The following ARHGAP10 variants were observed in gnomAD, a reference collection of about 807,000 sequenced individuals.
ARHGAP10 encodes the protein Rho GTPase activating protein 10.
In ARHGAP10, 87 loss-of-function variants were observed where a neutral mutation model predicts 108.6. The ratio of observed to expected loss-of-function variants is 0.80; its 90% CI spans 0.67 to 0.96. ARHGAP10 has a LOEUF of 0.96. Ranked by LOEUF, ARHGAP10 falls within the 40% of genes least tolerant of loss-of-function variation. ARHGAP10 has a pLI of 0.00. For synonymous variants in ARHGAP10, 347 were observed against 341.1 expected (o/e 1.02, Z -0.19); for missense variants, 939 against 954.5 (o/e 0.98, Z 0.21).
In ARHGAP10 at chr4:147,878,774, C is replaced by CTTTT. The variant is rs11384854; in HGVS notation, c.833-441_833-438dup. On this transcript the variant is annotated intron_variant, in intron 8 of 22. Coordinates refer to ENST00000336498, the MANE Select transcript of ARHGAP10 (RefSeq NM_024605.4). ...AGTATCTCTTATTTTCCTTCTTCCT[C>CTTTT]TTTTTTTTTTTTTTTTTTTTGAGTC... 6.6e-4 allele frequency among the ~76,000 whole-genome samples: 83 copies of CTTTT among 124,864 alleles called. 1 individual carries two copies. The highest frequency in any genetic ancestry group is 2.0e-3 in the African/African-American group (63 of 31,342). The allele number at this position is 124,864 out of a possible 152,430, so 81.9% of individuals were successfully genotyped here. A position where few individuals can be genotyped will look rare whatever the true frequency, so the allele number is the denominator to read the frequency against.
intron 22 of ARHGAP10, among the ~76,000 whole-genome samples, chr4:148,065,894 C>T (rs1205599079): frequency 6.7e-6 from 1 of 149,512 alleles, no homozygotes; most frequent in East Asian, 2.0e-4. Context: ...ACCTGTTGTG[C>T]CAGCTACTGC....
chr4:147,995,714 ATC>A (rs1399455642), intron 18 of ARHGAP10, among the ~76,000 whole-genome samples: 1 of 152,058 alleles, frequency 6.6e-6, no homozygotes, highest in Non-Finnish European at 1.5e-5. Flanking sequence ...TGCATGGTCC[ATC>A]TCTCTCTCTT....
At chr4:147,784,808 TATA>T (rs1387472636) in intron 1 of ARHGAP10, among the ~76,000 whole-genome samples, 1 of 26,926 alleles carries the variant, frequency 3.7e-5, no homozygotes, top group African/African-American at 5.9e-5. Flanking sequence ...ATAAATATAA[TATA>T]TTATAAAATA....
chr4:148,066,569 T>C (rs1257565606), intron 22 of ARHGAP10, among the ~76,000 whole-genome samples: 1 of 152,220 alleles, frequency 6.6e-6, no homozygotes, highest in Non-Finnish European at 1.5e-5. Flanking sequence ...TACACATACA[T>C]AGTCACACAT....
intron 12 of ARHGAP10, among the ~76,000 whole-genome samples, chr4:147,910,016 C>CTT (rs371707136): frequency 4.0e-5 from 6 of 150,874 alleles, no homozygotes; most frequent in African/African-American, 1.2e-4. Flanking sequence ...CTTTTCTTTT[C>CTT]TTTTTTTTTG....
intron 10 of ARHGAP10, among the ~76,000 whole-genome samples, chr4:147,899,178 C>T (rs1370751106): frequency 2.6e-5 from 4 of 152,126 alleles, no homozygotes; most frequent in Non-Finnish European, 5.9e-5. Flanking sequence ...GTGTCTAGGT[C>T]TCCTAGGAAT....
intron 13 of ARHGAP10, among the ~76,000 whole-genome samples, chr4:147,933,288 G>T (rs1306098322): frequency 6.6e-6 from 1 of 152,116 alleles, no homozygotes; most frequent in African/African-American, 2.4e-5. Flanking sequence ...CTATTCACAG[G>T]TGCAGTCATA....
At chr4:147,784,719 A>AATATATTATAAAAT (rs1730765111) in intron 1 of ARHGAP10, among the ~76,000 whole-genome samples, 1 of 46,540 alleles carries the variant, frequency 2.1e-5, no homozygotes, top group African/African-American at 6.3e-5. Flanking sequence ...TTATAAATAT[A>AATATATTATAAAAT]ATATATTATA....
intron 13 of ARHGAP10, among the ~76,000 whole-genome samples, chr4:147,939,120 C>T (rs138416532): frequency 1.8e-3 from 270 of 152,234 alleles, no homozygotes; most frequent in African/African-American, 5.8e-3. Flanking sequence ...AATGTCTTTT[C>T]GTCATTGATT....
At chr4:147,793,809 C>T (rs1395146625) in intron 1 of ARHGAP10, among the ~76,000 whole-genome samples, 1 of 152,154 alleles carries the variant, frequency 6.6e-6, no homozygotes, top group Admixed American at 6.5e-5. Flanking sequence ...GCTTCTTGAC[C>T]TTTGTACATT....
intron 3 of ARHGAP10, among the ~76,000 whole-genome samples, chr4:147,826,162 A>G (rs1732701304): frequency 6.6e-6 from 1 of 152,214 alleles, no homozygotes; most frequent in Non-Finnish European, 1.5e-5. Context: ...GCTCTACAGA[A>G]ATAGCGTGTG....
chr4:147,897,714 G>A (rs773632341), intron 10 of ARHGAP10, among the ~76,000 whole-genome samples: 3 of 152,066 alleles, frequency 2.0e-5, no homozygotes, highest in Non-Finnish European at 4.4e-5. Context: ...GAATTACATA[G>A]CATTTGAACT....
At chr4:147,844,376 T>TA (rs1733549564) in intron 3 of ARHGAP10, among the ~76,000 whole-genome samples, 1 of 152,228 alleles carries the variant, frequency 6.6e-6, no homozygotes, top group Admixed American at 6.5e-5. Flanking sequence ...GATGTACAAT[T>TA]AAATTATTTT....
At chr4:147,738,814 AAG>A (rs1728535841) in intron 1 of ARHGAP10, among the ~76,000 whole-genome samples, 1 of 152,166 alleles carries the variant, frequency 6.6e-6, no homozygotes, top group Non-Finnish European at 1.5e-5. Flanking sequence ...AGTGACCAAG[AAG>A]AGAGACAAAA....
intron 3 of ARHGAP10, among the ~76,000 whole-genome samples, chr4:147,845,922 G>A (rs1275501326): frequency 6.6e-6 from 1 of 152,122 alleles, no homozygotes; most frequent in Non-Finnish European, 1.5e-5. Context: ...AGGACTCTTT[G>A]GTTTGCCATT....
At chr4:148,008,240 T>G (rs1741026070) in intron 18 of ARHGAP10, among the ~76,000 whole-genome samples, 1 of 152,162 alleles carries the variant, frequency 6.6e-6, no homozygotes, top group Non-Finnish European at 1.5e-5. Context: ...TCCAACCTGC[T>G]GAAAGCATCT....
chr4:147,806,866 T>C (rs960685317), intron 1 of ARHGAP10, among the ~76,000 whole-genome samples: 1 of 152,128 alleles, frequency 6.6e-6, no homozygotes, highest in African/African-American at 2.4e-5. Context: ...CCTGCCCAGC[T>C]AAAGGGGCCA....
chr4:147,886,316 T>C (rs560206886), intron 10 of ARHGAP10, among the ~76,000 whole-genome samples: 4 of 152,310 alleles, frequency 2.6e-5, no homozygotes, highest in South Asian at 2.1e-4. Flanking sequence ...TCTTGACTTG[T>C]TAAGTTCCTC....
intron 18 of ARHGAP10, 153 bp from the exon 19 acceptor site, chr4:148,023,110 A>G: frequency 1.4e-6 from 1 of 709,526 alleles, no homozygotes; most frequent in South Asian, 2.8e-5. Flanking sequence ...ATAAAAGGCT[A>G]TGACCTCTTC....
Sources: gnomAD v4.1 joint callset for allele counts (sites outside exome capture counted in the v4.1 genomes callset) on GRCh38, gnomAD v4.1.1 for gene constraint, MANE v1.5 for transcripts, NCBI Gene and HGNC (gene_info 2026-07-23, HGNC 2026-07-21) for gene names.